Variants in IMMP2L observed in about 807,000 individuals in gnomAD.
IMMP2L encodes the protein mitochondrial inner membrane protease subunit 2.
Under a neutral mutation model 19.3 loss-of-function variants are expected in IMMP2L, and 18 were observed. That is an observed-to-expected ratio of 0.93 (90% CI 0.64 to 1.38). The LOEUF (loss-of-function observed/expected upper bound fraction) is 1.38. IMMP2L is among the 40% of genes most tolerant of loss of function. The pLI is 0.00. For missense variants in IMMP2L, 233 were observed against 218.2 expected (o/e 1.07, Z -0.43); for synonymous variants, 76 against 73.0 (o/e 1.04, Z -0.21).
chr7:111,059,120 T>A (rs529310333), intron 3 of IMMP2L, among the ~76,000 whole-genome samples: 2 of 152,146 alleles, frequency 1.3e-5, no homozygotes, highest in East Asian at 3.9e-4. Context: ...GTAGCTGGGA[T>A]TGCAGGCACC....
intron 4 of IMMP2L, among the ~76,000 whole-genome samples, chr7:110,912,695 A>G (rs166308): frequency 0.52 from 79,668 of 151,790 alleles, 22,155 homozygotes; most frequent in East Asian, 0.8. Flanking sequence ...ATGCCCATGT[A>G]AAAACAAGAA....
At chr7:111,184,742 T>A (rs1328143296) in intron 3 of IMMP2L, among the ~76,000 whole-genome samples, 2 of 148,038 alleles carry the variant, frequency 1.4e-5, no homozygotes, top group Non-Finnish European at 1.5e-5. Flanking sequence ...ATGCCACCAT[T>A]CAGAACTACC....
intron 4 of IMMP2L, among the ~76,000 whole-genome samples, chr7:110,950,944 G>C (rs1817775356): frequency 6.8e-6 from 1 of 147,340 alleles, no homozygotes; most frequent in Non-Finnish European, 1.5e-5. Context: ...TATTTTTCAA[G>C]TATTAGTAAA....
intron 5 of IMMP2L, among the ~76,000 whole-genome samples, chr7:110,770,634 AT>A (rs1396790277): frequency 6.6e-6 from 1 of 152,124 alleles, no homozygotes; most frequent in Non-Finnish European, 1.5e-5. Flanking sequence ...AAACGTTCCT[AT>A]TGAGCAGATC....
intron 3 of IMMP2L, among the ~76,000 whole-genome samples, chr7:111,272,027 T>C (rs1818520548): frequency 6.6e-6 from 1 of 152,110 alleles, no homozygotes; most frequent in African/African-American, 2.4e-5. Flanking sequence ...CCATTTCTAC[T>C]TTTTCCCCAC....
At chr7:111,440,690 T>C (rs1438373129) in intron 3 of IMMP2L, among the ~76,000 whole-genome samples, 1 of 151,898 alleles carries the variant, frequency 6.6e-6, no homozygotes, top group Admixed American at 6.6e-5. Context: ...AACAGCTACA[T>C]TAGCCCCTAA....
intron 3 of IMMP2L, among the ~76,000 whole-genome samples, chr7:111,126,569 A>G (rs996873767): frequency 1.3e-5 from 2 of 152,166 alleles, no homozygotes; most frequent in Admixed American, 6.6e-5. Flanking sequence ...GGAAACCCAC[A>G]GCTTAAAAGA....
intron 3 of IMMP2L, chr7:111,411,272 C>A: frequency 5.0e-6 from 1 of 198,524 alleles, no homozygotes; most frequent in Non-Finnish European, 1.1e-5. Flanking sequence ...AATCATACAG[C>A]CAGATCAAAT....
intron 3 of IMMP2L, among the ~76,000 whole-genome samples, chr7:111,281,257 GAAAGAGAGAGAGAAAGAA>G (rs1563005527): frequency 4.4e-5 from 6 of 136,242 alleles, no homozygotes; most frequent in African/African-American, 1.8e-4. Flanking sequence ...GAGAGAGAGA[GAAAGAGAGAGAGAAAGAA>G]AGAGAAGGAA....
At chr7:110,762,373 A>T (rs763485572) in intron 5 of IMMP2L, among the ~76,000 whole-genome samples, 1 of 152,086 alleles carries the variant, frequency 6.6e-6, no homozygotes, top group Non-Finnish European at 1.5e-5. Flanking sequence ...TAATCAATCA[A>T]TCTATGTAAG....
intron 3 of IMMP2L, among the ~76,000 whole-genome samples, chr7:111,064,519 C>T (rs1286065576): frequency 2.0e-5 from 3 of 152,140 alleles, no homozygotes; most frequent in Non-Finnish European, 4.4e-5. Flanking sequence ...ATCTAGGATT[C>T]ATGGGTCCAG....
Position 111,213,930 on chromosome 7 carries a change from A to T in IMMP2L, c.240-250365T>A, listed in dbSNP as rs80304270. 0.019 allele frequency among the ~76,000 whole-genome samples: 2,887 copies of T among 152,272 alleles called. 94 individuals are homozygous for T. Among genetic ancestry groups the T allele is most frequent in the African/African-American group, 0.066 (2,732 of 41,532 alleles). On this transcript the variant is annotated intron_variant, in intron 3 of 5. Coordinates refer to ENST00000405709, the MANE Select transcript of IMMP2L (RefSeq NM_032549.4). This position sits in a 1 kb window ranked among gnomAD's most constrained non-coding sequence, Gnocchi z 4.8. ...CTGTATCTAAGATAAAAGGTGATTT[A>T]AAAAAATAAGACCCAAGTCACATGA...
rs1411079076 is a variant in IMMP2L, at chr7:110,758,410, G to A, written c.409-94689C>T. On this transcript the variant is annotated intron_variant, in intron 5 of 5. Transcript: ENST00000405709. This position sits in a 1 kb window ranked among gnomAD's most constrained non-coding sequence, Gnocchi z 4.6. ...AAATATATAGGATAACAAACAGCACGTTAGTATGCTATTGGAAAAGATCTT... is the reference window on the plus strand; with the variant it reads ...AAATATATAGGATAACAAACAGCACATTAGTATGCTATTGGAAAAGATCTT... Among the ~76,000 whole-genome samples the A allele has an allele frequency of 6.6e-6, 1 of 152,028 alleles. No homozygotes were observed. Among genetic ancestry groups the A allele is most frequent in the Non-Finnish European group, 1.5e-5 (1 of 68,004 alleles).
At chr7:110,953,882 T>G (rs554912962) in intron 4 of IMMP2L, among the ~76,000 whole-genome samples, 1 of 152,278 alleles carries the variant, frequency 6.6e-6, no homozygotes, top group South Asian at 2.1e-4. Flanking sequence ...AGATGGTATC[T>G]CATTGTGGTT....
chr7:110,670,298 T>C (rs1401441764), intron 5 of IMMP2L, among the ~76,000 whole-genome samples: 1 of 152,164 alleles, frequency 6.6e-6, no homozygotes, highest in Non-Finnish European at 1.5e-5. Flanking sequence ...GGACTTCTAG[T>C]TCCAGAATTG....
intron 3 of IMMP2L, among the ~76,000 whole-genome samples, chr7:111,351,310 C>T (rs1213289818): frequency 6.6e-6 from 1 of 152,176 alleles, no homozygotes; most frequent in African/African-American, 2.4e-5. Context: ...CCTGCCTCAG[C>T]CTCTCGAGTA....
intron 3 of IMMP2L, among the ~76,000 whole-genome samples, chr7:111,445,125 G>C (rs1186310326): frequency 2.0e-5 from 3 of 151,932 alleles, no homozygotes; most frequent in South Asian, 2.1e-4. Flanking sequence ...TGCCTCTCAA[G>C]TATGATATCC....
At chr7:110,963,116 G>T in intron 4 of IMMP2L, 1 of 1,501,196 alleles carries the variant, frequency 6.7e-7, no homozygotes, top group Non-Finnish European at 8.8e-7. Context: ...AGTCCTCTTA[G>T]TTTCTGCATT....
intron 5 of IMMP2L, among the ~76,000 whole-genome samples, chr7:110,819,395 G>T (rs1290395427): frequency 6.6e-6 from 1 of 152,018 alleles, no homozygotes; most frequent in African/African-American, 2.4e-5. Context: ...GAACTGTGAT[G>T]CATATATTTT....
Sources: allele counts gnomAD v4.1 joint callset (sites outside exome capture counted in the v4.1 genomes callset), GRCh38; gene constraint gnomAD v4.1.1; non-coding constraint Gnocchi (gnomAD v3.1); transcripts MANE v1.5; gene names NCBI Gene and HGNC (gene_info 2026-07-23, HGNC 2026-07-21).